The following INTS7 variants were observed in gnomAD, a reference collection of about 807,000 sequenced individuals.
INTS7 encodes the protein integrator complex subunit 7.
A neutral mutation model predicts 109.2 loss-of-function variants in INTS7; 46 were observed. The ratio of observed to expected loss-of-function variants is 0.42; its 90% CI spans 0.33 to 0.54. The LOEUF is 0.54. INTS7 is among the 20% of genes least tolerant of loss of function. The probability of loss-of-function intolerance (pLI) is 0.07; values close to 1 mark genes in which losing one functional copy is unlikely to be tolerated. For synonymous variants in INTS7, 412 were observed against 402.9 expected, an observed-to-expected ratio of 1.02 and a Z score of -0.27; for missense variants, 929 against 1,132.4, an observed-to-expected ratio of 0.82 and a Z score of 2.58.
At chr1:211,972,030 A>T (rs780267976) in intron 13 of INTS7, among the ~76,000 whole-genome samples, 1 of 152,058 alleles carries the variant, frequency 6.6e-6, no homozygotes, top group Non-Finnish European at 1.5e-5. Flanking sequence ...TGTGGAAAGG[A>T]AACAGTATAC....
At chr1:211,968,772 C>A in intron 13 of INTS7, 65 bp from the exon 14 acceptor site, 1 of 1,285,150 alleles carries the variant, frequency 7.8e-7, no homozygotes, top group Non-Finnish European at 1.1e-6. Flanking sequence ...TGGGGCAGTA[C>A]CAAGTATTTA....
chr1:212,024,092 C>T (rs1456986504), intron 1 of INTS7, among the ~76,000 whole-genome samples: 3 of 152,134 alleles, frequency 2.0e-5, no homozygotes, highest in Admixed American at 2.0e-4. Context: ...CAGTACCATG[C>T]TGTTTTGGTT....
At chr1:211,975,625 A>C (rs755258137) in intron 12 of INTS7, among the ~76,000 whole-genome samples, 1 of 152,252 alleles carries the variant, frequency 6.6e-6, no homozygotes, top group Non-Finnish European at 1.5e-5. Context: ...AAATAAATGG[A>C]ATCAACTATA....
At chr1:212,017,557 G>A (rs370942269) in intron 3 of INTS7, among the ~76,000 whole-genome samples, 11 of 152,316 alleles carry the variant, frequency 7.2e-5, no homozygotes, top group East Asian at 3.8e-4. Flanking sequence ...GGTGCAGAAG[G>A]TAAAGCTTGG....
intron 16 of INTS7, among the ~76,000 whole-genome samples, chr1:211,954,593 C>T (rs1663275557): frequency 6.6e-6 from 1 of 152,182 alleles, no homozygotes; most frequent in South Asian, 2.1e-4. Context: ...AGGAAGGGAT[C>T]CAGTTTCAGC....
At chr1:211,964,515 A>G (rs1454531376) in intron 16 of INTS7, among the ~76,000 whole-genome samples, 1 of 152,236 alleles carries the variant, frequency 6.6e-6, no homozygotes, top group Non-Finnish European at 1.5e-5. Flanking sequence ...CAGCCAAGGC[A>G]ATCCTAAGCA....
chr1:211,975,296 A>G lies in INTS7; in HGVS notation c.1685T>C (p.Leu562Pro). The change falls in exon 13 of 20, where the codon CTA becomes CCA. Residue 562 changes from leucine to proline, a missense_variant. By Grantham distance (98) the Leu-to-Pro change is moderately conservative. Coordinates refer to ENST00000366994, the MANE Select transcript of INTS7 (RefSeq NM_015434.4). ...ATGTGAAAACTCCTTCAAACTATTTAGCCAGAAGTAGAAATGTTCTGAGGC... is the reference window on the plus strand; with the variant it reads ...ATGTGAAAACTCCTTCAAACTATTTGGCCAGAAGTAGAAATGTTCTGAGGC... ...QVASEHFYFW[L>P]NSLKEFSHAE... is the part of the protein sequence containing the mutation. 1 of 1,614,108 alleles carries G rather than the reference A, an allele frequency of 6.2e-7. No individual in the cohort carries two copies. The highest frequency in any genetic ancestry group is 8.5e-7 in the Non-Finnish European group (1 of 1,179,932).
chr1:211,969,255 A>G (rs933690110), intron 13 of INTS7, among the ~76,000 whole-genome samples: 2 of 151,454 alleles, frequency 1.3e-5, no homozygotes, highest in African/African-American at 4.9e-5. Context: ...ACTGCACTCC[A>G]GCCTGGGCGA....
chr1:212,000,188 C>G (rs1226109610), intron 7 of INTS7, among the ~76,000 whole-genome samples: 1 of 151,888 alleles, frequency 6.6e-6, no homozygotes, highest in Non-Finnish European at 1.5e-5. Context: ...ATTTTTAAAT[C>G]AAAGCTATTA....
intron 1 of INTS7, among the ~76,000 whole-genome samples, chr1:212,027,659 G>A (rs75547982): frequency 0.026 from 3,980 of 152,340 alleles, 57 homozygotes; most frequent in African/African-American, 0.046. Context: ...CGCACTTAAA[G>A]TGTGCAGAGC....
chr1:212,000,543 C>T (rs1004667884), intron 7 of INTS7, among the ~76,000 whole-genome samples: 1 of 152,182 alleles, frequency 6.6e-6, no homozygotes, highest in Admixed American at 6.5e-5. Flanking sequence ...AATAAACTTA[C>T]CTTTAATATA....
intron 14 of INTS7, 79 bp downstream of exon 14, chr1:211,968,434 A>G (rs1664009933): frequency 8.1e-7 from 1 of 1,232,530 alleles, no homozygotes; most frequent in Non-Finnish European, 1.1e-6. Flanking sequence ...CACTGATTTT[A>G]TATTTTACAA....
intron 5 of INTS7, among the ~76,000 whole-genome samples, chr1:212,009,069 GAT>G (rs1666056122): frequency 6.6e-6 from 1 of 152,118 alleles, no homozygotes; most frequent in Non-Finnish European, 1.5e-5. Flanking sequence ...CTTTACTAAA[GAT>G]TTAGGGAGGC....
intron 17 of INTS7, among the ~76,000 whole-genome samples, chr1:211,949,857 A>T (rs1663008581): frequency 6.6e-6 from 1 of 152,162 alleles, no homozygotes; most frequent in Non-Finnish European, 1.5e-5. Flanking sequence ...TTGAAGTAAT[A>T]ACAAACTGTT....
At chr1:212,005,481 A>G (rs1274794798) in intron 7 of INTS7, among the ~76,000 whole-genome samples, 3 of 152,236 alleles carry the variant, frequency 2.0e-5, no homozygotes, top group East Asian at 3.8e-4. Context: ...CATTTTACAT[A>G]CTTTTCTCAC....
At chr1:211,948,251 C>A (rs920163120) in intron 17 of INTS7, among the ~76,000 whole-genome samples, 2 of 152,220 alleles carry the variant, frequency 1.3e-5, no homozygotes, top group African/African-American at 4.8e-5. Context: ...TTGTGCCCAA[C>A]AGACTCATAG....
At chr1:211,977,324 G>T (rs1664463762) in intron 11 of INTS7, among the ~76,000 whole-genome samples, 1 of 151,988 alleles carries the variant, frequency 6.6e-6, no homozygotes, top group Non-Finnish European at 1.5e-5. Flanking sequence ...CAGATTTTTT[G>T]AATATTATGT....
rs1396761259 is a variant in INTS7, at chr1:211,967,922, C to G, written c.2070G>C (p.Gln690His). ...SLASRYGDLY[Q>H]ASFDADSATL... is the part of the protein sequence containing the mutation. ...TTGCTGAGTCAGCATCAAAAGATGC[C>G]TGGTAAAGATCTCCATATCGAGAAG... Residue 690 changes from glutamine to histidine, a missense_variant, in exon 15 of 20, where the codon CAG becomes CAC. Physicochemically the swap from Gln to His is conservative, Grantham distance 24. Coordinates refer to ENST00000366994, the MANE Select transcript of INTS7 (RefSeq NM_015434.4). 1.2e-6 allele frequency: 2 copies of G among 1,609,824 alleles called. No homozygotes were observed. Among genetic ancestry groups the G allele is most frequent in the East Asian group, 4.5e-5 (2 of 44,700 alleles).
At chr1:211,975,435 G>C (rs1253521338) in intron 12 of INTS7, 63 bp from the exon 13 acceptor site, 3 of 1,249,046 alleles carry the variant, frequency 2.4e-6, no homozygotes, top group Non-Finnish European at 3.5e-6. Flanking sequence ...TCTTACATTT[G>C]AAAGAGTTGA....
Sources: gnomAD v4.1 joint callset for allele counts (sites outside exome capture counted in the v4.1 genomes callset) on GRCh38, gnomAD v4.1.1 for gene constraint, MANE v1.5 for transcripts, NCBI Gene and HGNC (gene_info 2026-07-23, HGNC 2026-07-21) for gene names.